Variants in U2AF2 observed in about 807,000 individuals in gnomAD.
The protein encoded by U2AF2 is splicing factor U2AF 65 kDa subunit.
A neutral mutation model predicts 52.6 loss-of-function variants in U2AF2; 6 were observed. The observed-to-expected ratio is 0.11, with a 90% CI of 0.06 to 0.23. The LOEUF (loss-of-function observed/expected upper bound fraction) is 0.23. Ranked by LOEUF, U2AF2 falls within the 10% of genes least tolerant of loss-of-function variation. U2AF2 has a pLI of 1.00. For missense variants in U2AF2, 222 were observed against 677.1 expected (o/e 0.33, Z 7.46); for synonymous variants, 284 against 258.2 (o/e 1.10, Z -0.96).
intron 1 of U2AF2, 53 bp from the exon 2 acceptor site, chr19:55,659,157 G>C: frequency 5.5e-6 from 8 of 1,466,846 alleles, no homozygotes; most frequent in Non-Finnish European, 7.3e-6. Context: ...GGGTGGGCTG[G>C]GCCCGCATCC....
Position 55,661,156 on chromosome 19 carries a change from C to G in U2AF2, c.453C>G (p.Leu151=), listed in dbSNP as rs1984161873. The G allele has an allele frequency of 1.8e-5, 29 of 1,611,244 alleles. No individual in the cohort carries two copies. The highest frequency in any genetic ancestry group is 2.5e-5 in the Non-Finnish European group (29 of 1,178,592). ...AGATGACCAGACAAGCCCGGCGCCT[C>G]TACGTGGGCAACATCCCCTTTGGCA... ...GSQMTRQARR[L]YVGNIPFGIT... The change falls in exon 5 of 12, where the codon CTC becomes CTG. Residue 151 remains leucine (L), a synonymous_variant. Transcript: ENST00000308924.
chr19:55,664,624 C>T (rs922549554), intron 7 of U2AF2, among the ~76,000 whole-genome samples: 5 of 152,150 alleles, frequency 3.3e-5, no homozygotes, highest in South Asian at 4.1e-4. Context: ...TGAGTCAGCT[C>T]TTCAGGGCAG....
chr19:55,663,512 AGT>A lies in U2AF2; in HGVS notation c.604-92_604-91del, dbSNP rs1984351271. ...CTGGCATGTTGTATTTGTTCACATG[AGT>A]GAAAGGAAAGAGGAAATCCCAATCC... On this transcript the variant is annotated intron_variant, in intron 6 of 11. Coordinates refer to ENST00000308924, the MANE Select transcript of U2AF2 (RefSeq NM_007279.3). 2.6e-6 allele frequency: 4 copies of A among 1,521,554 alleles called. No individual in the cohort carries two copies. The South Asian group carries it at 5.2e-5, about 20-fold the overall frequency. The allele number at this position is 1,521,554 out of a possible 1,614,324, so 94.3% of individuals were successfully genotyped here. A position where few individuals can be genotyped will look rare whatever the true frequency, so the allele number is the denominator to read the frequency against.
chr19:55,665,934 C>G (rs1490401317), intron 7 of U2AF2, among the ~76,000 whole-genome samples: 1 of 152,252 alleles, frequency 6.6e-6, no homozygotes, highest in Non-Finnish European at 1.5e-5. Context: ...TGAGCCACTG[C>G]TCCCGGCCAC....
intron 11 of U2AF2, 120 bp from the exon 12 acceptor site, chr19:55,673,814 A>C (rs1600087650): frequency 2.1e-6 from 3 of 1,397,446 alleles, no homozygotes; most frequent in South Asian, 2.8e-5. Context: ...CCTTTCTGAC[A>C]CCTGTGGCGA....
chr19:55,663,523 A>G, intron 6 of U2AF2, 83 bp from the exon 7 acceptor site: 1 of 1,535,268 alleles, frequency 6.5e-7, no homozygotes, highest in South Asian at 1.3e-5. Flanking sequence ...GTGAAAGGAA[A>G]GAGGAAATCC....
At chr19:55,663,959 G>GTGTGTCCTCAGC in intron 7 of U2AF2, 2 of 626,440 alleles carry the variant, frequency 3.2e-6, no homozygotes, top group Non-Finnish European at 5.3e-6. Context: ...GTCACCTGCT[G>GTGTGTCCTCAGC]AGGACACACA....
chr19:55,655,629 G>T (rs1467115926), intron 1 of U2AF2, among the ~76,000 whole-genome samples: 1 of 152,226 alleles, frequency 6.6e-6, no homozygotes, highest in African/African-American at 2.4e-5. Flanking sequence ...TTGGTGGGGG[G>T]GCCCCTTTCC....
rs777766283 is a variant in U2AF2 at position 55,659,319 on chromosome 19, C to T, written c.159C>T (p.Ser53=). Residue 53 remains serine (S), a synonymous_variant, in exon 2 of 12, where the codon AGC becomes AGT. Coordinates refer to ENST00000308924, the MANE Select transcript of U2AF2 (RefSeq NM_007279.3). ...ACCGGCGCAACCGGGACCAGCGGAG[C>T]GCCTCCCGGGACAGGCGACGACGCA... ...SRDRRNRDQR[S]ASRDRRRRSK... is the part of the protein sequence containing the mutation. 1.0e-5 allele frequency: 16 copies of T among 1,571,104 alleles called. No homozygotes were observed. In the Admixed American group the frequency reaches 1.6e-4, roughly 16 times the overall value.
intron 1 of U2AF2, among the ~76,000 whole-genome samples, chr19:55,656,553 A>G (rs1905167546): frequency 6.6e-6 from 1 of 152,234 alleles, no homozygotes; most frequent in Admixed American, 6.5e-5. Flanking sequence ...TGAGAAGATT[A>G]AAAAGGATGA....
At position 55,674,120 on chromosome 19, in the gene U2AF2, C is replaced by G. The variant is rs748817796; in HGVS notation, c.*52C>G. 1 of 1,522,652 alleles carries G rather than the reference C, an allele frequency of 6.6e-7. No homozygotes were observed. The highest frequency in any genetic ancestry group is 2.0e-5 in the Admixed American group (1 of 51,156). 94.3% of individuals were successfully genotyped at this position (1,522,652 alleles called of 1,614,324 possible). A position where few individuals can be genotyped will look rare whatever the true frequency, so the allele number is the denominator to read the frequency against. On this transcript the variant is annotated 3_prime_UTR_variant, in exon 12 of 12. Coordinates refer to ENST00000308924, the MANE Select transcript of U2AF2 (RefSeq NM_007279.3). ...GGCTGGCTGGGGGCTTCTCCCCACT[C>G]CCGCCCCCCCCTTATCCCCCTCTGA...
Position 55,668,666 on chromosome 19 carries a change from G to A in U2AF2, c.823-4G>A, listed in dbSNP as rs1191880973. On this transcript the variant is annotated splice_region_variant and splice_polypyrimidine_tract_variant and intron_variant, in intron 8 of 11. Coordinates refer to ENST00000308924, the MANE Select transcript of U2AF2 (RefSeq NM_007279.3). The surrounding 1 kb of genome is among the most constrained non-coding windows in gnomAD (Gnocchi z 5.5). ...CAGCCCTGATGGACTCTCGGCTACT[G>A]CAGGTCAAAGAGCTGCTGACATCCT... 5 of 1,607,320 alleles carry A rather than the reference G, an allele frequency of 3.1e-6. No individual in the cohort carries two copies. The highest frequency in any genetic ancestry group is 4.3e-6 in the Non-Finnish European group (5 of 1,175,780).
intron 7 of U2AF2, among the ~76,000 whole-genome samples, chr19:55,665,705 G>A (rs1984506732): frequency 1.3e-5 from 2 of 152,220 alleles, no homozygotes; most frequent in African/African-American, 4.8e-5. Context: ...CTGGAGTGCA[G>A]TGGTGTGATC....
intron 7 of U2AF2, among the ~76,000 whole-genome samples, chr19:55,666,305 G>A (rs1432738975): frequency 2.0e-5 from 3 of 152,228 alleles, no homozygotes; most frequent in Non-Finnish European, 2.9e-5. Flanking sequence ...TCTGCTCCAG[G>A]TGTGATGCTT....
intron 10 of U2AF2, 125 bp downstream of exon 10, chr19:55,669,306 G>T (rs1984733927): frequency 6.5e-7 from 1 of 1,546,374 alleles, no homozygotes; most frequent in Non-Finnish European, 8.7e-7. Flanking sequence ...TCAGTGCAGT[G>T]TTGGGGAGTC....
chr19:55,670,720 T>TA (rs1984863320), intron 11 of U2AF2: 1 of 205,334 alleles, frequency 4.9e-6, no homozygotes, highest in East Asian at 1.7e-4. Flanking sequence ...GCCTGGGTCT[T>TA]GGAACGACCG....
chr19:55,661,209 C>T lies in U2AF2; in HGVS notation c.486+20C>T, dbSNP rs756846023. 5 of 1,566,804 alleles carry T rather than the reference C, an allele frequency of 3.2e-6. No individual in the cohort carries two copies. In the African/African-American group the frequency reaches 4.1e-5, roughly 13 times the overall value. On this transcript the variant is annotated intron_variant, in intron 5 of 11. Transcript: ENST00000308924. ...ACTGAGGTACTGCCCTCCCCTGCCC[C>T]CTACCCTCTCCCTTGTCCCTCTACC...
intron 1 of U2AF2, 105 bp downstream of exon 1, chr19:55,655,258 G>A: frequency 7.8e-7 from 1 of 1,286,570 alleles, no homozygotes; most frequent in Non-Finnish European, 1.1e-6. Context: ...ACGGCCGCGC[G>A]GCGCCCCCCA....
chr19:55,663,863 T>G (rs1326630748), intron 7 of U2AF2, 119 bp downstream of exon 7: 8 of 1,463,496 alleles, frequency 5.5e-6, no homozygotes, highest in Non-Finnish European at 7.4e-6. Context: ...GGAAGATAGG[T>G]GCCTTTTCCC....
Sources: allele counts gnomAD v4.1 joint callset (sites outside exome capture counted in the v4.1 genomes callset), GRCh38; gene constraint gnomAD v4.1.1; non-coding constraint Gnocchi (gnomAD v3.1); transcripts MANE v1.5; gene names NCBI Gene and HGNC (gene_info 2026-07-23, HGNC 2026-07-21).